Variants in SIL1 observed in about 807,000 individuals in gnomAD.
SIL1 encodes nucleotide exchange factor SIL1.
In SIL1, 40 loss-of-function variants were observed where a neutral mutation model predicts 49.1. The observed-to-expected ratio is 0.81, with a 90% CI of 0.63 to 1.06. SIL1 has a LOEUF of 1.06. Among genes scored for constraint, SIL1 ranks in the 50% least tolerant of loss-of-function variants. The pLI is 0.00. For synonymous variants in SIL1, 253 were observed against 250.8 expected, an observed-to-expected ratio of 1.01 and a Z score of -0.08; for missense variants, 500 against 572.6, an observed-to-expected ratio of 0.87 and a Z score of 1.29.
At chr5:139,105,482 G>A (rs1770680190) in intron 3 of SIL1, among the ~76,000 whole-genome samples, 1 of 152,164 alleles carries the variant, frequency 6.6e-6, no homozygotes, top group African/African-American at 2.4e-5. Flanking sequence ...AAATTCAGCT[G>A]TTACCAGAAA....
intron 7 of SIL1, among the ~76,000 whole-genome samples, chr5:138,993,275 A>G (rs1767795303): frequency 1.3e-5 from 2 of 152,170 alleles, no homozygotes; most frequent in African/African-American, 2.4e-5. Flanking sequence ...AGGAAGGGCT[A>G]TTCCTTAGGG....
At chr5:139,017,514 A>G (rs559566882) in intron 7 of SIL1, among the ~76,000 whole-genome samples, 2 of 152,310 alleles carry the variant, frequency 1.3e-5, no homozygotes, top group South Asian at 2.1e-4. Context: ...ATTGCATAGT[A>G]ATTCATACAT....
intron 4 of SIL1, among the ~76,000 whole-genome samples, chr5:139,048,689 G>A (rs4645327): frequency 6.6e-6 from 1 of 152,150 alleles, no homozygotes; most frequent in South Asian, 2.1e-4. Flanking sequence ...ATATTCATAA[G>A]CTAAGAAAAG....
chr5:139,013,199 T>C (rs2150421745), intron 7 of SIL1, among the ~76,000 whole-genome samples: 1 of 152,354 alleles, frequency 6.6e-6, no homozygotes, highest in Middle Eastern at 3.4e-3. Flanking sequence ...ACATCAGATC[T>C]AGAAGTATGT....
chr5:138,951,074 A>G (rs975488209), intron 9 of SIL1, 97 bp downstream of exon 9: 1 of 1,384,808 alleles, frequency 7.2e-7, no homozygotes, highest in African/African-American at 1.4e-5. Context: ...CACAAAGCAA[A>G]CAAGTGACGT....
At chr5:138,988,652 A>G (rs902602705) in intron 7 of SIL1, among the ~76,000 whole-genome samples, 1 of 152,204 alleles carries the variant, frequency 6.6e-6, no homozygotes, top group Admixed American at 6.5e-5. Context: ...CTGATAAAGA[A>G]TGATATTCAA....
chr5:139,020,744 A>G (rs1373163256), intron 7 of SIL1, among the ~76,000 whole-genome samples: 1 of 152,196 alleles, frequency 6.6e-6, no homozygotes, highest in Non-Finnish European at 1.5e-5. Flanking sequence ...CGGCATGTAC[A>G]TTGGTTCCAG....
intron 5 of SIL1, among the ~76,000 whole-genome samples, chr5:139,036,462 A>T (rs1414894307): frequency 1.3e-5 from 2 of 152,266 alleles, no homozygotes; most frequent in African/African-American, 4.8e-5. Flanking sequence ...CATGGAATCA[A>T]CCTAAATGCC....
In SIL1 at chr5:138,951,157, G is replaced by A. The variant is rs779355123; in HGVS notation, c.1029+14C>T. On this transcript the variant is annotated intron_variant, in intron 9 of 9. Transcript: ENST00000394817. ...AAGCAAACAAGAGGAGACTGGGTGG[G>A]CCTGGGCACTCACCTTCTCCGTGAC... 8.1e-6 allele frequency: 13 copies of A among 1,609,914 alleles called. No individual in the cohort carries two copies. In the Admixed American group the frequency reaches 1.5e-4, roughly 19 times the overall value.
intron 3 of SIL1, among the ~76,000 whole-genome samples, chr5:139,102,701 C>T (rs1337658250): frequency 7.8e-6 from 1 of 127,930 alleles, no homozygotes; most frequent in African/African-American, 2.7e-5. Flanking sequence ...TCAAGGGCTG[C>T]TTTTTTCTTT....
intron 1 of SIL1, among the ~76,000 whole-genome samples, chr5:139,133,988 CTT>C (rs149667900): frequency 0.049 from 7,422 of 152,292 alleles, 271 homozygotes; most frequent in Non-Finnish European, 0.07. Context: ...GCCTCAGTTT[CTT>C]CACCTATAAA....
rs955526279 is a variant in SIL1, at chr5:139,047,686, C to A, written c.353+3252G>T. 4.6e-5 allele frequency among the ~76,000 whole-genome samples: 7 copies of A among 152,340 alleles called. No individual in the cohort carries two copies. In the South Asian group the frequency reaches 1.0e-3, roughly 23 times the overall value. ...CAGTGCTAAGGGGCCAGGAAGACAC[C>A]ATGAAATGGAATTGGAGGAGCTCCA... On this transcript the variant is annotated intron_variant, in intron 4 of 9. Transcript: ENST00000394817.
At chr5:139,070,292 A>C (rs1486754418) in intron 3 of SIL1, among the ~76,000 whole-genome samples, 1 of 152,158 alleles carries the variant, frequency 6.6e-6, no homozygotes, top group East Asian at 1.9e-4. Flanking sequence ...CTGTGTCCAG[A>C]ATCAGGACTC....
intron 7 of SIL1, among the ~76,000 whole-genome samples, chr5:138,992,757 T>C (rs1490910301): frequency 3.9e-5 from 6 of 152,086 alleles, no homozygotes; most frequent in African/African-American, 7.2e-5. Context: ...CTACACACAT[T>C]GGGTATAGTG....
At chr5:139,104,398 T>C (rs1352478141) in intron 3 of SIL1, among the ~76,000 whole-genome samples, 1 of 152,230 alleles carries the variant, frequency 6.6e-6, no homozygotes, top group Non-Finnish European at 1.5e-5. Context: ...CTGCCTCTGA[T>C]TCCCCAAAGT....
intron 1 of SIL1, among the ~76,000 whole-genome samples, chr5:139,139,870 T>C (rs1356260656): frequency 6.6e-6 from 1 of 152,044 alleles, no homozygotes; most frequent in Non-Finnish European, 1.5e-5. Context: ...GGCTTACACC[T>C]GTAATCCCAA....
rs1031967980 is a variant in SIL1 at position 138,952,980 on chromosome 5, A to G, written c.768-1096T>C. On this transcript the variant is annotated intron_variant, in intron 7 of 9. Coordinates refer to ENST00000394817, the MANE Select transcript of SIL1 (RefSeq NM_022464.5). The stretch of plus-strand genomic sequence containing the variant: ...GTCAGGGCTCCCCTCTCAGCAGCCC[A>G]CATGTGAGGCCCCAGAGAAAAGAGG... Among the ~76,000 whole-genome samples the G allele has an allele frequency of 2.0e-5, 3 of 152,372 alleles. No homozygotes were observed. The South Asian group carries it at 6.2e-4, about 32-fold the overall frequency.
At chr5:139,036,347 T>G (rs1395071386) in intron 5 of SIL1, among the ~76,000 whole-genome samples, 1 of 152,166 alleles carries the variant, frequency 6.6e-6, no homozygotes, top group African/African-American at 2.4e-5. Context: ...AGGGTCCAGT[T>G]TCAATATTCC....
chr5:138,973,269 A>C (rs1452709362), intron 7 of SIL1, among the ~76,000 whole-genome samples: 1 of 151,932 alleles, frequency 6.6e-6, no homozygotes, highest in Admixed American at 6.6e-5. Context: ...ATGAATGCTA[A>C]AACACAGAAT....
Sources: gnomAD v4.1 joint callset for allele counts (sites outside exome capture counted in the v4.1 genomes callset) on GRCh38, gnomAD v4.1.1 for gene constraint, MANE v1.5 for transcripts, NCBI Gene and HGNC (gene_info 2026-07-23, HGNC 2026-07-21) for gene names.